KALRN: variants seen among roughly 807,000 people sequenced by gnomAD.
KALRN encodes kalirin.
Under a neutral mutation model 353.7 loss-of-function variants are expected in KALRN, and 70 were observed. That is an observed-to-expected ratio of 0.20 (90% CI 0.16 to 0.24). The LOEUF is 0.24. Among genes scored for constraint, KALRN ranks in the 10% least tolerant of loss-of-function variants. KALRN has a pLI of 1.00. For synonymous variants in KALRN, 1,391 were observed against 1,434.8 expected (o/e 0.97, Z 0.69); for missense variants, 2,791 against 3,756.7 (o/e 0.74, Z 6.72).
chr3:124,463,443 G>A (rs1403627241), intron 25 of KALRN, among the ~76,000 whole-genome samples: 1 of 152,176 alleles, frequency 6.6e-6, no homozygotes, highest in Non-Finnish European at 1.5e-5. Flanking sequence ...AGGTGTAGCA[G>A]CCACCCTGAG....
chr3:124,278,955 T>C (rs2075067603), intron 5 of KALRN, among the ~76,000 whole-genome samples: 1 of 152,232 alleles, frequency 6.6e-6, no homozygotes, highest in South Asian at 2.1e-4. Flanking sequence ...TCTACCATTT[T>C]CCCTGTTCCT....
intron 1 of KALRN, among the ~76,000 whole-genome samples, chr3:124,164,978 C>G (rs746290718): frequency 6.6e-6 from 1 of 152,162 alleles, no homozygotes; most frequent in African/African-American, 2.4e-5. Flanking sequence ...ATGAGGGGGG[C>G]TCTCTGCAGT....
intron 34 of KALRN, among the ~76,000 whole-genome samples, chr3:124,611,967 C>A (rs569305533): frequency 3.0e-4 from 45 of 152,356 alleles, no homozygotes; most frequent in African/African-American, 1.1e-3. Flanking sequence ...AGAACTGTCA[C>A]CAGCTACTCA....
intron 33 of KALRN, among the ~76,000 whole-genome samples, chr3:124,514,186 C>T (rs191618362): frequency 6.6e-6 from 1 of 152,326 alleles, no homozygotes; most frequent in Admixed American, 6.5e-5. Flanking sequence ...GGTTTGAAAC[C>T]TGAGGTGGAG....
chr3:124,673,588 A>T (rs1303658090), intron 48 of KALRN, among the ~76,000 whole-genome samples: 3 of 151,890 alleles, frequency 2.0e-5, no homozygotes, highest in East Asian at 3.9e-4. Flanking sequence ...ATGTATATGC[A>T]TATAGAATAT....
intron 34 of KALRN, among the ~76,000 whole-genome samples, chr3:124,586,625 T>G (rs1293192080): frequency 6.6e-6 from 1 of 152,036 alleles, no homozygotes; most frequent in Non-Finnish European, 1.5e-5. Flanking sequence ...AGAGGAGGCG[T>G]GCGAGTGGCT....
chr3:124,664,400 A>G (rs554613468), intron 45 of KALRN, among the ~76,000 whole-genome samples: 114 of 145,614 alleles, frequency 7.8e-4, no homozygotes, highest in African/African-American at 2.9e-3. Flanking sequence ...GGCACCCACA[A>G]GCACAGAATC....
At chr3:124,194,710 T>C (rs1341151854) in intron 1 of KALRN, among the ~76,000 whole-genome samples, 3 of 152,214 alleles carry the variant, frequency 2.0e-5, no homozygotes, top group Non-Finnish European at 4.4e-5. Flanking sequence ...GTGTATCTCC[T>C]GGTGCAGCTC....
intron 6 of KALRN, among the ~76,000 whole-genome samples, chr3:124,304,426 T>G (rs1403159739): frequency 6.6e-6 from 1 of 152,154 alleles, no homozygotes; most frequent in Non-Finnish European, 1.5e-5. Context: ...CCCCAAGTGA[T>G]CTATATGCAC....
chr3:124,083,681 T>G (rs148810532), intron 1 of KALRN, among the ~76,000 whole-genome samples: 102 of 152,354 alleles, frequency 6.7e-4, no homozygotes, highest in African/African-American at 2.4e-3. Context: ...ACTGTTAGAA[T>G]TGGCATTTGA....
intron 33 of KALRN, among the ~76,000 whole-genome samples, chr3:124,547,954 T>C (rs998652089): frequency 6.6e-6 from 1 of 152,202 alleles, no homozygotes; most frequent in Admixed American, 6.5e-5. Context: ...CCAGGTTTTC[T>C]ATAACTTGCC....
intron 6 of KALRN, among the ~76,000 whole-genome samples, chr3:124,316,043 C>T (rs770763307): frequency 3.6e-4 from 55 of 152,154 alleles, no homozygotes; most frequent in Non-Finnish European, 6.6e-4. Flanking sequence ...ACGAGACGGG[C>T]GGATGAGAAG....
At chr3:124,539,553 A>G (rs1170090357) in intron 33 of KALRN, among the ~76,000 whole-genome samples, 1 of 152,234 alleles carries the variant, frequency 6.6e-6, no homozygotes, top group African/African-American at 2.4e-5. Context: ...AAAGCAAAAC[A>G]GAGGGGAATG....
intron 1 of KALRN, among the ~76,000 whole-genome samples, chr3:124,121,110 A>G (rs1277504463): frequency 1.3e-5 from 2 of 151,170 alleles, no homozygotes; most frequent in South Asian, 2.1e-4. Context: ...AAAAAAAAAA[A>G]AAAAGAAATC....
rs59451284 is a variant in KALRN, at chr3:124,292,223, A to G, written c.970-6568A>G. Among the ~76,000 whole-genome samples the G allele has an allele frequency of 0.046, 6,974 of 151,860 alleles. 764 individuals carry two copies. The East Asian group carries it at 0.47, about 10-fold the overall frequency. On this transcript the variant is annotated intron_variant, in intron 5 of 59. Transcript: ENST00000682506. ...ACGTCTATTTTAGGGCTTCCCTCCT[A>G]CTCTCTAGGACCTCTCTGCCACTTT...
intron 34 of KALRN, among the ~76,000 whole-genome samples, chr3:124,613,275 T>G (rs2078208234): frequency 6.6e-6 from 1 of 152,216 alleles, no homozygotes; most frequent in African/African-American, 2.4e-5. Flanking sequence ...CTCTCCTGAT[T>G]GTTCCGTGTC....
At chr3:124,183,600 CAG>C (rs1470654666) in intron 1 of KALRN, among the ~76,000 whole-genome samples, 1 of 152,150 alleles carries the variant, frequency 6.6e-6, no homozygotes, top group African/African-American at 2.4e-5. Flanking sequence ...CCATGGGACA[CAG>C]AGGGACAACT....
intron 1 of KALRN, among the ~76,000 whole-genome samples, chr3:124,117,304 G>A (rs1292685757): frequency 6.6e-6 from 1 of 150,702 alleles, no homozygotes. Flanking sequence ...TTTCTTTTAT[G>A]GAAAAGAAAA....
chr3:124,412,487 A>G (rs2092247326), intron 13 of KALRN, among the ~76,000 whole-genome samples: 1 of 152,338 alleles, frequency 6.6e-6, no homozygotes, highest in Non-Finnish European at 1.5e-5. Flanking sequence ...ATCACTTTTA[A>G]AAACTTTTAA....
Sources: gnomAD v4.1 joint callset for allele counts (sites outside exome capture counted in the v4.1 genomes callset) on GRCh38, gnomAD v4.1.1 for gene constraint, MANE v1.5 for transcripts, NCBI Gene and HGNC (gene_info 2026-07-23, HGNC 2026-07-21) for gene names.